The following PHTF2 variants were observed in gnomAD, a reference collection of about 807,000 sequenced individuals.
PHTF2 encodes the protein putative homeodomain transcription factor 2, also known as protein PHTF2.
Under a neutral mutation model 101.2 loss-of-function variants are expected in PHTF2, and 60 were observed. The ratio of observed to expected loss-of-function variants is 0.59; its 90% confidence interval spans 0.48 to 0.73. The LOEUF (loss-of-function observed/expected upper bound fraction) is 0.73, where lower values mean the gene tolerates loss of function less well. Ranked by LOEUF, PHTF2 falls within the 30% of genes least tolerant of loss-of-function variation. PHTF2 has a pLI of 0.00. For missense variants in PHTF2, 747 were observed against 908.7 expected, an observed-to-expected ratio of 0.82 and a Z score of 2.29; for synonymous variants, 311 against 307.3, an observed-to-expected ratio of 1.01 and a Z score of -0.13.
intron 1 of PHTF2, among the ~76,000 whole-genome samples, chr7:77,829,150 C>T (rs1346393708): frequency 6.6e-6 from 1 of 152,170 alleles, no homozygotes; most frequent in East Asian, 1.9e-4. Context: ...CATTGAACTC[C>T]AGCCTAGGTG....
chr7:77,804,817 C>A (rs1792845585), intron 1 of PHTF2, among the ~76,000 whole-genome samples: 2 of 152,170 alleles, frequency 1.3e-5, no homozygotes, highest in East Asian at 3.8e-4. Flanking sequence ...TTAGTTCAAA[C>A]CCTCATTATT....
At chr7:77,896,796 T>C (rs183195157) in intron 5 of PHTF2, among the ~76,000 whole-genome samples, 1 of 152,226 alleles carries the variant, frequency 6.6e-6, no homozygotes, top group Non-Finnish European at 1.5e-5. Context: ...ACCTGTTGTT[T>C]AGAGAACAGT....
At chr7:77,934,017 C>T (rs1157463461) in intron 12 of PHTF2, among the ~76,000 whole-genome samples, 1 of 152,118 alleles carries the variant, frequency 6.6e-6, no homozygotes, top group African/African-American at 2.4e-5. Flanking sequence ...TGATCTTAAA[C>T]AGATTTTTAA....
At chr7:77,857,237 A>G (rs2150654854) in intron 3 of PHTF2, among the ~76,000 whole-genome samples, 1 of 152,318 alleles carries the variant, frequency 6.6e-6, no homozygotes, top group South Asian at 2.1e-4. Context: ...GAAAGTCTGG[A>G]GCTACCTCTA....
chr7:77,895,777 G>A (rs1373110627), intron 5 of PHTF2: 1 of 152,078 alleles, frequency 6.6e-6, no homozygotes, highest in Non-Finnish European at 1.5e-5. Flanking sequence ...ATGATCTTAG[G>A]GAAAGTTAGG....
chr7:77,919,988 A>G (rs1001478761), intron 9 of PHTF2, among the ~76,000 whole-genome samples: 1 of 152,174 alleles, frequency 6.6e-6, no homozygotes, highest in Non-Finnish European at 1.5e-5. Flanking sequence ...TTTTGTTTCT[A>G]GATTTTGTTC....
Position 77,940,320 on chromosome 7 carries a change from T to C in PHTF2, c.1740+18T>C. 2 of 1,556,548 alleles carry C rather than the reference T, an allele frequency of 1.3e-6. No individual in the cohort carries two copies. The highest frequency in any genetic ancestry group is 1.7e-6 in the Non-Finnish European group (2 of 1,153,314). ...ATAAACAGGTGGGTATAATGTAGAC[T>C]TCCGAATAAGAATATTTTATCGTTT... On this transcript the variant is annotated intron_variant, in intron 14 of 19. Transcript: ENST00000416283.
chr7:77,945,579 T>C (rs1305268051), intron 16 of PHTF2, among the ~76,000 whole-genome samples: 6 of 152,182 alleles, frequency 3.9e-5, no homozygotes, highest in African/African-American at 1.4e-4. Flanking sequence ...AAATCTTATA[T>C]ATTTGGAGAT....
intron 7 of PHTF2, among the ~76,000 whole-genome samples, chr7:77,907,281 A>G (rs1032682985): frequency 1.3e-5 from 2 of 152,110 alleles, no homozygotes; most frequent in African/African-American, 4.8e-5. Flanking sequence ...CTTATTACTT[A>G]CAGTTACATA....
intron 3 of PHTF2, among the ~76,000 whole-genome samples, chr7:77,861,928 A>G (rs1213628758): frequency 2.0e-5 from 3 of 152,114 alleles, no homozygotes; most frequent in Non-Finnish European, 4.4e-5. Flanking sequence ...GTGGTAGCGC[A>G]TGCCTGTAAT....
At chr7:77,904,589 G>C (rs1801684336) in intron 7 of PHTF2, among the ~76,000 whole-genome samples, 1 of 152,160 alleles carries the variant, frequency 6.6e-6, no homozygotes, top group South Asian at 2.1e-4. Flanking sequence ...ACTTGTAGAT[G>C]TCCACCTTCT....
chr7:77,928,186 C>CA (rs560832692), intron 11 of PHTF2, among the ~76,000 whole-genome samples: 10,610 of 129,960 alleles, frequency 0.082, 645 homozygotes, highest in African/African-American at 0.19. Flanking sequence ...AGAGGACAGC[C>CA]AAAAAAAAAA....
intron 12 of PHTF2, among the ~76,000 whole-genome samples, chr7:77,930,314 C>A (rs1804447418): frequency 6.6e-6 from 1 of 152,146 alleles, no homozygotes; most frequent in African/African-American, 2.4e-5. Flanking sequence ...TATTGGACAG[C>A]ACGATTTTAT....
At chr7:77,878,858 A>C (rs1799164904) in intron 3 of PHTF2, among the ~76,000 whole-genome samples, 1 of 152,228 alleles carries the variant, frequency 6.6e-6, no homozygotes, top group Non-Finnish European at 1.5e-5. Flanking sequence ...TTTAAGTATT[A>C]AAAAGGGTGG....
At chr7:77,877,235 C>T (rs1482275927) in intron 3 of PHTF2, among the ~76,000 whole-genome samples, 2 of 151,810 alleles carry the variant, frequency 1.3e-5, no homozygotes, top group Non-Finnish European at 2.9e-5. Flanking sequence ...CCTGCTTCAG[C>T]CTCCTGAGTT....
Position 77,819,706 on chromosome 7 carries a change from GTCT to G in PHTF2, c.-35-20510_-35-20508del, listed in dbSNP as rs1197656052. On this transcript the variant is annotated intron_variant, in intron 1 of 19. Coordinates refer to ENST00000416283, the Ensembl canonical transcript of PHTF2. ...AGCCTGCAGTTTTCTTCTTTTTGTT[GTCT>G]TCTTGTCTAGTTTTGGTTTCAGGGT... is the stretch of plus-strand genomic sequence containing the variant. Among the ~76,000 whole-genome samples the G allele has an allele frequency of 8.5e-5, 13 of 152,196 alleles. No individual in the cohort carries two copies. The East Asian group carries it at 2.3e-3, about 27-fold the overall frequency.
intron 5 of PHTF2, 115 bp downstream of exon 4, chr7:77,894,108 C>T (rs1314213586): frequency 2.4e-6 from 2 of 846,416 alleles, no homozygotes; most frequent in Non-Finnish European, 2.0e-6. Flanking sequence ...AAAAGAGTCA[C>T]TGAAAAGTTG....
intron 19 of PHTF2, 85 bp downstream of exon 18, chr7:77,953,979 C>A: frequency 1.9e-6 from 2 of 1,071,688 alleles, no homozygotes; most frequent in South Asian, 1.5e-5. Flanking sequence ...CACAGTAATG[C>A]GGTCATTTTG....
chr7:77,801,191 A>G (rs1562822379), intron 1 of PHTF2, among the ~76,000 whole-genome samples: 1 of 152,210 alleles, frequency 6.6e-6, no homozygotes, highest in East Asian at 1.9e-4. Context: ...AATACAATAT[A>G]TACAGATTGA....
Sources: gnomAD v4.1 joint callset for allele counts (sites outside exome capture counted in the v4.1 genomes callset) on GRCh38, gnomAD v4.1.1 for gene constraint, MANE v1.5 for transcripts, NCBI Gene and HGNC (gene_info 2026-07-23, HGNC 2026-07-21) for gene names.